The following TRAPPC9 variants were observed in gnomAD, a reference collection of about 807,000 sequenced individuals.
TRAPPC9 encodes IKK2 binding protein.
A neutral mutation model predicts 124.0 loss-of-function variants in TRAPPC9; 83 were observed. The observed-to-expected ratio is 0.67, with a 90% CI of 0.56 to 0.80. TRAPPC9 has a LOEUF of 0.80. Ranked by LOEUF, TRAPPC9 falls within the 30% of genes least tolerant of loss-of-function variation. The pLI, the probability that TRAPPC9 is intolerant of heterozygous loss-of-function variation, is 0.00. For synonymous variants in TRAPPC9, 638 were observed against 617.5 expected (o/e 1.03, Z -0.49); for missense variants, 1,302 against 1,508.3 (o/e 0.86, Z 2.27).
intron 19 of TRAPPC9, among the ~76,000 whole-genome samples, chr8:139,915,892 C>A (rs2131308044): frequency 6.6e-6 from 1 of 152,350 alleles, no homozygotes; most frequent in Middle Eastern, 3.4e-3. Context: ...AAGAAGCATA[C>A]TTGTTGGGTC....
chr8:140,366,369 G>A (rs959549142), intron 8 of TRAPPC9, among the ~76,000 whole-genome samples: 1 of 152,150 alleles, frequency 6.6e-6, no homozygotes, highest in Non-Finnish European at 1.5e-5. Context: ...TGGTACTGGT[G>A]AAAGAACAAA....
At chr8:139,731,936 C>A in intron 22 of TRAPPC9, 43 bp downstream of exon 22, 1 of 1,536,480 alleles carries the variant, frequency 6.5e-7, no homozygotes, top group Non-Finnish European at 8.8e-7. Flanking sequence ...ATGATGACCA[C>A]ATGGCCAGAG....
At position 139,799,961 on chromosome 8, in the gene TRAPPC9, G is replaced by A. The variant is rs1379010104; in HGVS notation, c.3056-67759C>T. ...AGGGAAGTGATGCGGGGCCCAGAGGGCAGCAGCTGAGACAGACACGGAGAT... is the reference window on the plus strand; with the variant it reads ...AGGGAAGTGATGCGGGGCCCAGAGGACAGCAGCTGAGACAGACACGGAGAT... On this transcript the variant is annotated intron_variant, in intron 21 of 22. Transcript: ENST00000438773. Among the ~76,000 whole-genome samples the A allele has an allele frequency of 2.0e-5, 3 of 152,254 alleles. No homozygotes were observed. In the East Asian group the frequency reaches 5.8e-4, roughly 29 times the overall value.
At chr8:139,807,752 C>G (rs760780245) in intron 21 of TRAPPC9, among the ~76,000 whole-genome samples, 1 of 152,112 alleles carries the variant, frequency 6.6e-6, no homozygotes, top group South Asian at 2.1e-4. Flanking sequence ...TTGTTAATAG[C>G]CTTCAAGGAA....
At chr8:140,038,838 C>T (rs192105804) in intron 17 of TRAPPC9, among the ~76,000 whole-genome samples, 1 of 152,290 alleles carries the variant, frequency 6.6e-6, no homozygotes, top group African/African-American at 2.4e-5. Context: ...AGGCCCTCCT[C>T]GGAGCCTCCA....
intron 17 of TRAPPC9, among the ~76,000 whole-genome samples, chr8:140,074,404 C>G (rs756854597): frequency 2.8e-4 from 43 of 152,226 alleles, no homozygotes; most frequent in Non-Finnish European, 6.0e-4. Context: ...GCAAGTGCAT[C>G]CCCTTCCAGC....
intron 17 of TRAPPC9, among the ~76,000 whole-genome samples, chr8:140,179,959 G>A (rs1157712754): frequency 7.2e-6 from 1 of 138,852 alleles, no homozygotes; most frequent in African/African-American, 2.6e-5. Flanking sequence ...ATATTTAAAT[G>A]AATTTCCTAT....
rs541366647 is a variant in TRAPPC9 at position 140,318,899 on chromosome 8, T to C, written c.1496-7525A>G. ...GACCGAGTCTTCCTGTTCCAAAATA[T>C]GAAGCCTGACCACATATACCCAGTG... is the stretch of plus-strand genomic sequence containing the variant. On this transcript the variant is annotated intron_variant, in intron 9 of 22. Transcript: ENST00000438773. Among the ~76,000 whole-genome samples the C allele has an allele frequency of 1.7e-3, 263 of 152,328 alleles. 2 individuals are homozygous for C. The highest frequency in any genetic ancestry group is 6.8e-3 in the Middle Eastern group (2 of 294).
intron 16 of TRAPPC9, among the ~76,000 whole-genome samples, chr8:140,244,538 C>T (rs1285973712): frequency 1.3e-5 from 2 of 152,136 alleles, no homozygotes; most frequent in South Asian, 2.1e-4. Flanking sequence ...TTCATCCCAC[C>T]GTCAAGAAAC....
intron 13 of TRAPPC9, 89 bp downstream of exon 13, chr8:140,287,519 T>C: frequency 6.4e-7 from 1 of 1,551,712 alleles, no homozygotes; most frequent in East Asian, 2.2e-5. Flanking sequence ...AGGACTGGCA[T>C]GACGGGCGAT....
At chr8:140,189,998 T>G (rs139819606) in intron 17 of TRAPPC9, among the ~76,000 whole-genome samples, 1,549 of 152,248 alleles carry the variant, frequency 0.01, 21 homozygotes, top group Middle Eastern at 0.099. Context: ...TTGGTAAGTT[T>G]TGAAGCACAA....
intron 2 of TRAPPC9, among the ~76,000 whole-genome samples, chr8:140,441,258 G>A (rs1386270640): frequency 6.6e-6 from 1 of 151,904 alleles, no homozygotes; most frequent in Non-Finnish European, 1.5e-5. Context: ...TGGGATTACA[G>A]TTCTTTGCCC....
At chr8:139,839,780 G>A (rs992987017) in intron 21 of TRAPPC9, among the ~76,000 whole-genome samples, 1 of 152,152 alleles carries the variant, frequency 6.6e-6, no homozygotes, top group Non-Finnish European at 1.5e-5. Flanking sequence ...GTGAGCAAAC[G>A]GACCATCCAA....
chr8:139,874,875 C>G (rs977526551), intron 21 of TRAPPC9, among the ~76,000 whole-genome samples: 3 of 152,126 alleles, frequency 2.0e-5, no homozygotes, highest in African/African-American at 7.2e-5. Flanking sequence ...GTCCCACACG[C>G]GCATAACCGG....
intron 19 of TRAPPC9, among the ~76,000 whole-genome samples, chr8:139,980,922 C>T (rs528699644): frequency 5.3e-5 from 8 of 152,328 alleles, no homozygotes; most frequent in South Asian, 2.1e-4. Context: ...AGAAGGAAAA[C>T]CTCCTGTCGA....
chr8:140,072,103 G>A (rs2129822969), intron 17 of TRAPPC9, among the ~76,000 whole-genome samples: 1 of 152,308 alleles, frequency 6.6e-6, no homozygotes, highest in Middle Eastern at 3.4e-3. Flanking sequence ...ATTTTTTTAA[G>A]GTGAAGAAAT....
intron 19 of TRAPPC9, chr8:139,931,490 T>C (rs1833138752): frequency 6.6e-6 from 1 of 152,160 alleles, no homozygotes; most frequent in Admixed American, 6.5e-5. Flanking sequence ...TGTCAAGGAT[T>C]TTACAGTTGA....
At chr8:140,402,793 A>C (rs1399824819) in intron 6 of TRAPPC9, among the ~76,000 whole-genome samples, 1 of 152,196 alleles carries the variant, frequency 6.6e-6, no homozygotes, top group Non-Finnish European at 1.5e-5. Flanking sequence ...AGATTCATAG[A>C]AAGGAATGAA....
intron 17 of TRAPPC9, among the ~76,000 whole-genome samples, chr8:140,220,743 C>A (rs976540991): frequency 1.3e-5 from 2 of 152,198 alleles, no homozygotes; most frequent in Non-Finnish European, 2.9e-5. Flanking sequence ...CTAACCAGTC[C>A]CTGCCCTCTT....
Sources: gnomAD v4.1 joint callset for allele counts (sites outside exome capture counted in the v4.1 genomes callset) on GRCh38, gnomAD v4.1.1 for gene constraint, MANE v1.5 for transcripts, NCBI Gene and HGNC (gene_info 2026-07-23, HGNC 2026-07-21) for gene names.